NCAPD3: variants seen among roughly 807,000 people sequenced by gnomAD.
NCAPD3 encodes non-SMC condensin II complex subunit D3.
A neutral mutation model predicts 182.9 loss-of-function variants in NCAPD3; 105 were observed. That is an observed-to-expected ratio of 0.57 (90% CI 0.49 to 0.68). The LOEUF is 0.68. Among genes scored for constraint, NCAPD3 ranks in the 30% least tolerant of loss-of-function variants. NCAPD3 has a pLI of 0.00. For synonymous variants in NCAPD3, 815 were observed against 679.9 expected (o/e 1.20, Z -3.09); for missense variants, 1,944 against 1,837.0 (o/e 1.06, Z -1.07).
intron 2 of NCAPD3, 35 bp downstream of exon 2, chr11:134,220,537 A>G: frequency 6.3e-7 from 1 of 1,589,458 alleles, no homozygotes; most frequent in Non-Finnish European, 8.6e-7. Flanking sequence ...TACTTCTAAC[A>G]CCAAACTTTG....
intron 13 of NCAPD3, among the ~76,000 whole-genome samples, chr11:134,196,797 C>T (rs1009773913): frequency 6.6e-6 from 1 of 152,096 alleles, no homozygotes; most frequent in African/African-American, 2.4e-5. Context: ...AAATGAACAA[C>T]AATCCTTCAT....
intron 24 of NCAPD3, among the ~76,000 whole-genome samples, chr11:134,169,401 T>C (rs1165097875): frequency 1.3e-5 from 2 of 152,246 alleles, no homozygotes; most frequent in Admixed American, 6.5e-5. Flanking sequence ...AGTGGTCTTA[T>C]AAGACTGATG....
chr11:134,174,215 C>G (rs139444824), intron 24 of NCAPD3, among the ~76,000 whole-genome samples: 1 of 151,376 alleles, frequency 6.6e-6, no homozygotes. Context: ...AAACGTGTCT[C>G]TACAAAAAAG....
chr11:134,218,555 T>C lies in NCAPD3; in HGVS notation c.220-1457A>G, dbSNP rs562193526. Among the ~76,000 whole-genome samples the C allele has an allele frequency of 2.0e-5, 3 of 152,300 alleles. No homozygotes were observed. The East Asian group carries it at 5.8e-4, about 29-fold the overall frequency. On this transcript the variant is annotated intron_variant, in intron 2 of 34. Transcript: ENST00000534548. ...TTTCTCCATTTGACCTTGCTCTTTTTCCCTTATTCCCCACCTTGGTTAACA... is the reference window on the plus strand; with the variant it reads ...TTTCTCCATTTGACCTTGCTCTTTTCCCCTTATTCCCCACCTTGGTTAACA...
In NCAPD3 at chr11:134,210,895, GA is replaced by G. The variant is rs561861928; in HGVS notation, c.383-442del. ...CAAATTATAATGGTCTTACTATGTT[GA>G]AAAAGCAGAGTCAGAAAGACAGGGT... On this transcript the variant is annotated intron_variant, in intron 3 of 34. Transcript: ENST00000534548. Among the ~76,000 whole-genome samples the G allele has an allele frequency of 1.3e-3, 204 of 152,298 alleles. 1 individual carries two copies. Among genetic ancestry groups the G allele is most frequent in the Non-Finnish European group, 1.8e-3 (122 of 68,022 alleles).
At chr11:134,180,009 C>T (rs1050515734) in intron 20 of NCAPD3, among the ~76,000 whole-genome samples, 2 of 151,424 alleles carry the variant, frequency 1.3e-5, no homozygotes, top group African/African-American at 2.4e-5. Flanking sequence ...TTTGATGACA[C>T]GGTTAACAGT....
At chr11:134,157,301 TAA>T (rs151174969) in intron 31 of NCAPD3, among the ~76,000 whole-genome samples, 1,601 of 152,128 alleles carry the variant, frequency 0.011, 28 homozygotes, top group African/African-American at 0.037. Context: ...TTCAAAAAAA[TAA>T]AAGAGTCTAA....
At chr11:134,191,088 G>A (rs528820510) in intron 16 of NCAPD3, among the ~76,000 whole-genome samples, 1 of 152,228 alleles carries the variant, frequency 6.6e-6, no homozygotes, top group East Asian at 1.9e-4. Flanking sequence ...CACATCTTCT[G>A]CAAGGTTCCT....
chr11:134,158,522 C>T lies in NCAPD3; in HGVS notation c.3868-27G>A, dbSNP rs866561605. ...TGGTAGAGAAGATAAAGAGTATGTA[C>T]ATTCTAATACTTTTTAAGTTTTCAA... is the stretch of plus-strand genomic sequence containing the variant. On this transcript the variant is annotated intron_variant, in intron 29 of 34. Transcript: ENST00000534548. The T allele has an allele frequency of 7.5e-6, 12 of 1,597,226 alleles. No individual in the cohort carries two copies. The African/African-American group carries it at 8.0e-5, about 11-fold the overall frequency.
intron 27 of NCAPD3, among the ~76,000 whole-genome samples, chr11:134,167,648 T>G (rs1349221629): frequency 2.0e-5 from 2 of 99,474 alleles, no homozygotes; most frequent in Non-Finnish European, 3.8e-5. Context: ...GAGATGAGCT[T>G]GGGGGAGCAG....
chr11:134,171,093 G>A (rs1565530101), intron 24 of NCAPD3, among the ~76,000 whole-genome samples: 1 of 152,122 alleles, frequency 6.6e-6, no homozygotes, highest in South Asian at 2.1e-4. Flanking sequence ...TGTGGATTAG[G>A]AAACCTCCAG....
intron 1 of NCAPD3, 129 bp from the exon 2 acceptor site, chr11:134,220,855 T>A (rs1442597810): frequency 1.2e-6 from 1 of 839,968 alleles, no homozygotes; most frequent in Non-Finnish European, 1.8e-6. Flanking sequence ...CTTGTTTTAA[T>A]AACATAGGTG....
chr11:134,184,810 TACACACACACACACACAC>T (rs60568256), intron 18 of NCAPD3, 58 bp from the exon 19 acceptor site: 12 of 1,009,802 alleles, frequency 1.2e-5, no homozygotes, highest in African/African-American at 3.2e-5. Context: ...CAGGTATATA[TACACACACACACACACAC>T]ACACACACAC....
At chr11:134,203,103 G>T in intron 12 of NCAPD3, 39 bp downstream of exon 12, 1 of 1,448,438 alleles carries the variant, frequency 6.9e-7, no homozygotes, top group Non-Finnish European at 9.6e-7. Flanking sequence ...ATTTTTAAAA[G>T]ATAATCATTC....
intron 7 of NCAPD3, among the ~76,000 whole-genome samples, chr11:134,208,162 C>T (rs1057133404): frequency 7.2e-5 from 11 of 152,180 alleles, no homozygotes; most frequent in South Asian, 2.1e-4. Flanking sequence ...AAAATATCTT[C>T]GTAACCAGGT....
intron 24 of NCAPD3, among the ~76,000 whole-genome samples, chr11:134,171,580 T>C (rs1366556876): frequency 6.6e-6 from 1 of 152,312 alleles, no homozygotes; most frequent in East Asian, 1.9e-4. Context: ...CAGACCCATT[T>C]ATACCAGAAT....
Position 134,223,951 on chromosome 11 carries a change from C to A in NCAPD3, c.-25G>T. The A allele has an allele frequency of 6.2e-7, 1 of 1,608,864 alleles. No homozygotes were observed. Among genetic ancestry groups the A allele is most frequent in the Non-Finnish European group, 8.5e-7 (1 of 1,178,586 alleles). ...TGATCCCAGGGCACCGGCTCGCCGC[C>A]GCCGTGCTCAACTTTCAAAGCTCGC... is the stretch of plus-strand genomic sequence containing the variant. On this transcript the variant is annotated 5_prime_UTR_variant, in exon 1 of 35. Coordinates refer to ENST00000534548, the MANE Select transcript of NCAPD3 (RefSeq NM_015261.3).
intron 24 of NCAPD3, among the ~76,000 whole-genome samples, chr11:134,174,539 A>G (rs906675751): frequency 6.6e-6 from 1 of 152,104 alleles, no homozygotes; most frequent in Admixed American, 6.6e-5. Flanking sequence ...CTCATATGTA[A>G]GAGTTAAAAA....
chr11:134,171,137 G>A (rs764014407), intron 24 of NCAPD3, among the ~76,000 whole-genome samples: 19 of 152,096 alleles, frequency 1.2e-4, no homozygotes, highest in African/African-American at 3.9e-4. Flanking sequence ...CTGGGAGCTC[G>A]TTCAGCATCC....
Sources: allele counts gnomAD v4.1 joint callset (sites outside exome capture counted in the v4.1 genomes callset), GRCh38; gene constraint gnomAD v4.1.1; transcripts MANE v1.5; gene names NCBI Gene and HGNC (gene_info 2026-07-23, HGNC 2026-07-21).